Variants in STARD9 observed in about 807,000 individuals in gnomAD.
STARD9 encodes the protein StAR related lipid transfer domain containing 9.
A neutral mutation model predicts 399.8 loss-of-function variants in STARD9; 346 were observed. The ratio of observed to expected loss-of-function variants is 0.87; its 90% confidence interval spans 0.79 to 0.95. The LOEUF is 0.95. STARD9 is among the 40% of genes least tolerant of loss of function. The pLI, the probability that STARD9 is intolerant of heterozygous loss-of-function variation, is 0.00. For synonymous variants in STARD9, 2,203 were observed against 2,143.5 expected, an observed-to-expected ratio of 1.03 and a Z score of -0.77; for missense variants, 5,832 against 5,667.5, an observed-to-expected ratio of 1.03 and a Z score of -0.93.
rs1422884115 is a variant in STARD9 at position 42,689,260 on chromosome 15, A to G, written c.7682A>G (p.Gln2561Arg). The G allele has an allele frequency of 4.6e-6, 7 of 1,537,184 alleles. No individual in the cohort carries two copies. Among genetic ancestry groups the G allele is most frequent in the Non-Finnish European group, 6.1e-6 (7 of 1,146,934 alleles). Residue 2561 changes from glutamine to arginine, a missense_variant, in exon 23 of 33, where the codon CAG becomes CGG. Around this residue, in one of 2 missense-constraint regions of STARD9, gnomAD observed 5,828 missense variants for 5,651.1 expected, o/e 1.03. Transcript: ENST00000290607. ...GAGGAGATCAGACAGGCAAAGGCCC[A>G]GAGAAAGCAGCTTCATGACTTTGTG... Reference protein sequence around the residue: ...ILEEIRQAKAQRKQLHDFVAR... With the variant: ...ILEEIRQAKARRKQLHDFVAR...
intron 26 of STARD9, among the ~76,000 whole-genome samples, chr15:42,696,327 C>G (rs180854628): frequency 2.0e-5 from 3 of 152,148 alleles, no homozygotes; most frequent in Admixed American, 6.5e-5. Flanking sequence ...GTAGTTAATG[C>G]AGTAAAAGCT....
chr15:42,629,511 A>G (rs1214743792), intron 3 of STARD9, among the ~76,000 whole-genome samples: 1 of 152,202 alleles, frequency 6.6e-6, no homozygotes, highest in Non-Finnish European at 1.5e-5. Flanking sequence ...TATGAGTTCT[A>G]ACAGGTTTTT....
At chr15:42,681,383 G>T in intron 20 of STARD9, 39 bp from the exon 21 acceptor site, 1 of 1,518,990 alleles carries the variant, frequency 6.6e-7, no homozygotes, top group Non-Finnish European at 8.8e-7. Context: ...AGCTTGGTTT[G>T]CATTTCCCCT....
At chr15:42,621,410 AT>A (rs1391851001) in intron 3 of STARD9, among the ~76,000 whole-genome samples, 1 of 152,156 alleles carries the variant, frequency 6.6e-6, no homozygotes, top group Non-Finnish European at 1.5e-5. Flanking sequence ...TAAAAGAAAA[AT>A]TTTAGACAAA....
At position 42,652,582 on chromosome 15, in the gene STARD9, A is replaced by G. The variant is rs1332791172; in HGVS notation, c.692A>G (p.His231Arg). Residue 231 changes from histidine (H) to arginine (R), a missense_variant, in exon 9 of 33, where the codon CAC becomes CGC. His to Arg is a conservative substitution (Grantham distance 29). Around this residue, in one of 2 missense-constraint regions of STARD9, gnomAD observed 5,828 missense variants for 5,651.1 expected, o/e 1.03. Transcript: ENST00000290607. ...SSRSHAIFTIHYTQAILENNL... is the reference protein window; with the variant it reads ...SSRSHAIFTIRYTQAILENNL... ...AGATCCCACGCCATTTTCACGATCC[A>G]CTACACGCAGGTTGGTAACTCCTTA... 3.9e-6 allele frequency: 6 copies of G among 1,536,370 alleles called. No homozygotes were observed. Among genetic ancestry groups the G allele is most frequent in the Non-Finnish European group, 4.4e-6 (5 of 1,146,352 alleles).
chr15:42,588,199 T>C (rs989307342), intron 3 of STARD9, among the ~76,000 whole-genome samples: 7 of 150,120 alleles, frequency 4.7e-5, no homozygotes, highest in African/African-American at 1.7e-4. Flanking sequence ...GTGAATGTGT[T>C]AAAATTTTAT....
At position 42,692,692 on chromosome 15, in the gene STARD9, G is replaced by A; in HGVS notation, c.11114G>A (p.Arg3705Lys). The A allele has an allele frequency of 2.6e-6, 4 of 1,537,088 alleles. No homozygotes were observed. Among genetic ancestry groups the A allele is most frequent in the Non-Finnish European group, 3.5e-6 (4 of 1,146,876 alleles). The change falls in exon 23 of 33, where the codon AGA becomes AAA. Residue 3705 changes from arginine (R) to lysine (K), a missense_variant. Physicochemically the swap from Arg to Lys is conservative, Grantham distance 26 (BLOSUM62 2). Transcript: ENST00000290607. ...AGTCTCTCCCAGCCAGATGTGGCCA[G>A]AAGGGAGCAGAACACCAAGAGGGAC... ...LGSLSQPDVA[R>K]REQNTKRDIP... is the part of the protein sequence containing the mutation.
chr15:42,644,205 C>T (rs897564151), intron 7 of STARD9, among the ~76,000 whole-genome samples: 2 of 152,152 alleles, frequency 1.3e-5, no homozygotes, highest in Non-Finnish European at 2.9e-5. Context: ...TAAAAATGTA[C>T]ATACTTGGCC....
At position 42,647,031 on chromosome 15, in the gene STARD9, C is replaced by T. The variant is rs1315611753; in HGVS notation, c.560-3985C>T. Among the ~76,000 whole-genome samples the T allele has an allele frequency of 5.3e-5, 8 of 152,218 alleles. No homozygotes were observed. The South Asian group carries it at 6.2e-4, about 12-fold the overall frequency. On this transcript the variant is annotated intron_variant, in intron 7 of 32. Coordinates refer to ENST00000290607, the MANE Select transcript of STARD9 (RefSeq NM_020759.3). ...TATCAATTAAGTTCGCTTTTCTATA[C>T]GATTCTTGGTGTACCAACACAATTA... is the stretch of plus-strand genomic sequence containing the variant.
rs984644953 is a variant in STARD9 at position 42,674,080 on chromosome 15, G to T, written c.1498-360G>T. On this transcript the variant is annotated intron_variant, in intron 16 of 32. Coordinates refer to ENST00000290607, the MANE Select transcript of STARD9 (RefSeq NM_020759.3). ...TTAGGGAAAAGCCATACTTTTGCAT[G>T]TACTTTCTCGGACTAGAGAATTTTT... 2.5e-5 allele frequency: 11 copies of T among 440,728 alleles called. No homozygotes were observed. In the Middle Eastern group the frequency reaches 1.0e-3, roughly 40 times the overall value. 27.3% of individuals were successfully genotyped at this position (440,728 alleles called of 1,614,324 possible). A position where few individuals can be genotyped will look rare whatever the true frequency, so the allele number is the denominator to read the frequency against.
chr15:42,638,854 C>A, intron 7 of STARD9, 42 bp downstream of exon 7: 1 of 1,201,682 alleles, frequency 8.3e-7, no homozygotes, highest in Admixed American at 2.3e-5. Context: ...CAAACTGAAG[C>A]CTGGGAAGCT....
chr15:42,692,288 C>T lies in STARD9; in HGVS notation c.10710C>T (p.His3570=). 1.3e-6 allele frequency: 2 copies of T among 1,537,096 alleles called. No homozygotes were observed. The highest frequency in any genetic ancestry group is 1.7e-6 in the Non-Finnish European group (2 of 1,146,912). ...CTTCAATTGCCTTAGGAGACCCCCA[C>T]ATCCCGACGAGCCCTGAAGGAGTAG... ...GSSSIALGDP[H]IPTSPEGVAP... is the part of the protein sequence containing the mutation. Residue 3570 remains histidine, a synonymous_variant, in exon 23 of 33, where the codon CAC becomes CAT. Coordinates refer to ENST00000290607, the MANE Select transcript of STARD9 (RefSeq NM_020759.3).
rs910058260 is a variant in STARD9, at chr15:42,692,054, C to T, written c.10476C>T (p.Val3492=). The change falls in exon 23 of 33, where the codon GTC becomes GTT. Residue 3492 remains valine, a synonymous_variant. Transcript: ENST00000290607. ...SWKQYMSGSA[V]DVSCSQKPQG... is the part of the protein sequence containing the mutation. ...AGCAGTATATGTCTGGCAGTGCAGT[C>T]GATGTTTCCTGCAGCCAGAAGCCCC... The T allele has an allele frequency of 2.6e-6, 4 of 1,537,072 alleles. No individual in the cohort carries two copies. The highest frequency in any genetic ancestry group is 1.7e-4 in the Middle Eastern group (1 of 6,012).
chr15:42,622,074 A>G (rs2059104317), intron 3 of STARD9, among the ~76,000 whole-genome samples: 1 of 152,172 alleles, frequency 6.6e-6, no homozygotes, highest in Non-Finnish European at 1.5e-5. Flanking sequence ...ATTAAAGGAA[A>G]ATAATTCATT....
rs2060687156 is a variant in STARD9, at chr15:42,691,183, G to A, written c.9605G>A (p.Ser3202Asn). ...GTAGCAAGGTTAAAACATACCTGCA[G>A]CCCCCAGGAAGACAGTCCCTGGCAG... Reference protein sequence around the residue: ...KFVARLKHTCSPQEDSPWQEE... With the variant: ...KFVARLKHTCNPQEDSPWQEE... Residue 3202 changes from serine (S) to asparagine (N), a missense_variant, in exon 23 of 33, where the codon AGC becomes AAC. By Grantham distance (46) the Ser-to-Asn change is conservative (BLOSUM62 1). Transcript: ENST00000290607. 6.5e-7 allele frequency: 1 copy of A among 1,537,248 alleles called. No individual in the cohort carries two copies.
intron 3 of STARD9, among the ~76,000 whole-genome samples, chr15:42,600,260 G>A (rs1054880468): frequency 4.6e-5 from 7 of 152,182 alleles, no homozygotes; most frequent in Non-Finnish European, 8.8e-5. Flanking sequence ...TATAGGACAT[G>A]TCATCACTCC....
intron 7 of STARD9, among the ~76,000 whole-genome samples, chr15:42,644,245 G>C (rs1166473017): frequency 6.6e-6 from 1 of 152,200 alleles, no homozygotes; most frequent in East Asian, 1.9e-4. Context: ...TGTAATCCCA[G>C]CACTTTGGGA....
chr15:42,594,952 A>G (rs951029048), intron 3 of STARD9, among the ~76,000 whole-genome samples: 2 of 152,232 alleles, frequency 1.3e-5, no homozygotes, highest in African/African-American at 4.8e-5. Flanking sequence ...TAAAAGCAGC[A>G]TTTCTGTTTG....
At chr15:42,596,737 A>G (rs546131690) in intron 3 of STARD9, among the ~76,000 whole-genome samples, 67 of 152,316 alleles carry the variant, frequency 4.4e-4, no homozygotes, top group African/African-American at 1.6e-3. Flanking sequence ...AATGGTTTCT[A>G]TTTCTGTGCT....
Sources: gnomAD v4.1 joint callset for allele counts (sites outside exome capture counted in the v4.1 genomes callset) on GRCh38, gnomAD v4.1.1 for gene constraint, gnomAD v4.1.1 regional missense constraint, MANE v1.5 for transcripts, NCBI Gene and HGNC (gene_info 2026-07-23, HGNC 2026-07-21) for gene names.